The following VPS54 variants were observed in gnomAD, a reference collection of about 807,000 sequenced individuals.
VPS54 encodes vacuolar protein sorting-associated protein 54.
A neutral mutation model predicts 121.5 loss-of-function variants in VPS54; 45 were observed. The observed-to-expected ratio is 0.37, with a 90% CI of 0.29 to 0.47. The LOEUF is 0.47. Among genes scored for constraint, VPS54 ranks in the 20% least tolerant of loss-of-function variants. The probability of loss-of-function intolerance (pLI) is 0.99; values close to 1 mark genes in which losing one functional copy is unlikely to be tolerated. For synonymous variants in VPS54, 371 were observed against 385.8 expected, an observed-to-expected ratio of 0.96 and a Z score of 0.45; for missense variants, 1,090 against 1,131.4, an observed-to-expected ratio of 0.96 and a Z score of 0.52.
At chr2:63,915,540 C>A (rs1362765741) in intron 16 of VPS54, among the ~76,000 whole-genome samples, 1 of 152,090 alleles carries the variant, frequency 6.6e-6, no homozygotes, top group Non-Finnish European at 1.5e-5. Context: ...TCCCCTTTAG[C>A]CAGGGAATTT....
intron 11 of VPS54, among the ~76,000 whole-genome samples, chr2:63,940,978 C>T (rs1346356295): frequency 3.9e-5 from 6 of 152,102 alleles, no homozygotes; most frequent in Non-Finnish European, 8.8e-5. Context: ...CTTTTGTGAA[C>T]CTGATTGGAG....
chr2:63,914,923 C>T (rs529779935), intron 16 of VPS54, among the ~76,000 whole-genome samples: 3 of 151,910 alleles, frequency 2.0e-5, no homozygotes, highest in Admixed American at 6.6e-5. Context: ...CACTGGAGGT[C>T]GGGAGTTCGA....
chr2:64,006,907 C>T (rs1161522345), intron 1 of VPS54, among the ~76,000 whole-genome samples: 1 of 152,250 alleles, frequency 6.6e-6, no homozygotes, highest in African/African-American at 2.4e-5. Flanking sequence ...GCGTGAGCCA[C>T]CACGCCCGGC....
At chr2:63,926,645 G>C (rs188014306) in intron 12 of VPS54, among the ~76,000 whole-genome samples, 1 of 152,196 alleles carries the variant, frequency 6.6e-6, no homozygotes, top group Non-Finnish European at 1.5e-5. Context: ...TGGACAGTGG[G>C]TGCAGCCCAT....
intron 1 of VPS54, among the ~76,000 whole-genome samples, chr2:63,999,710 CA>C (rs1411470339): frequency 6.6e-6 from 1 of 152,194 alleles, no homozygotes; most frequent in African/African-American, 2.4e-5. Context: ...CTCCTCTTTA[CA>C]GACAATAACT....
chr2:63,920,678 T>C lies in VPS54; in HGVS notation c.1870-51A>G, dbSNP rs1673601422. 16 of 1,134,108 alleles carry C rather than the reference T, an allele frequency of 1.4e-5. No individual in the cohort carries two copies. The Admixed American group carries it at 5.3e-4, about 38-fold the overall frequency. 70.3% of individuals were successfully genotyped at this position (1,134,108 alleles called of 1,614,324 possible). A position where few individuals can be genotyped will look rare whatever the true frequency, so the allele number is the denominator to read the frequency against. On this transcript the variant is annotated intron_variant, in intron 13 of 22. Coordinates refer to ENST00000272322, the MANE Select transcript of VPS54 (RefSeq NM_016516.3). Reference sequence around the variant, plus strand: ...GAGTTAGTGTAACACCAAATTGAGTTATGAAACCAAGTTAGTTTAACGATT... The same window carrying C: ...GAGTTAGTGTAACACCAAATTGAGTCATGAAACCAAGTTAGTTTAACGATT...
chr2:63,989,887 C>A (rs1159634905), intron 1 of VPS54, among the ~76,000 whole-genome samples: 5 of 152,124 alleles, frequency 3.3e-5, no homozygotes, highest in Non-Finnish European at 7.4e-5. Context: ...AGGGAAGGGT[C>A]CGAGTAACCA....
At chr2:63,993,862 A>G (rs980277056) in intron 1 of VPS54, among the ~76,000 whole-genome samples, 10 of 152,248 alleles carry the variant, frequency 6.6e-5, no homozygotes, top group Admixed American at 2.6e-4. Context: ...TAGGTCCTAC[A>G]AACAAGCTTA....
At chr2:64,006,419 C>T (rs572921022) in intron 1 of VPS54, among the ~76,000 whole-genome samples, 6 of 152,340 alleles carry the variant, frequency 3.9e-5, no homozygotes, top group South Asian at 2.1e-4. Flanking sequence ...ATTGGCCATA[C>T]AATCAGTTAG....
intron 22 of VPS54, among the ~76,000 whole-genome samples, chr2:63,894,281 AG>A (rs1672347953): frequency 6.6e-6 from 1 of 152,238 alleles, no homozygotes; most frequent in African/African-American, 2.4e-5. Context: ...ATTCACTTAT[AG>A]GTATATGCCC....
intron 20 of VPS54, among the ~76,000 whole-genome samples, chr2:63,901,542 A>T (rs1429819334): frequency 6.6e-6 from 1 of 152,194 alleles, no homozygotes; most frequent in Non-Finnish European, 1.5e-5. Flanking sequence ...GATCATATAG[A>T]TCCACTCCCA....
chr2:63,915,446 A>T (rs1444183044), intron 16 of VPS54, among the ~76,000 whole-genome samples: 2 of 152,180 alleles, frequency 1.3e-5, no homozygotes, highest in African/African-American at 2.4e-5. Flanking sequence ...ACTGGTCTCT[A>T]TGCTTATTTC....
intron 7 of VPS54, among the ~76,000 whole-genome samples, chr2:63,954,480 G>C (rs1295454104): frequency 6.6e-6 from 1 of 152,064 alleles, no homozygotes; most frequent in Non-Finnish European, 1.5e-5. Flanking sequence ...GTCTAATCTT[G>C]TAAGAATTGT....
chr2:63,939,465 A>G (rs1397464181), intron 11 of VPS54, among the ~76,000 whole-genome samples: 1 of 152,220 alleles, frequency 6.6e-6, no homozygotes, highest in African/African-American at 2.4e-5. Context: ...ACAATGTAGG[A>G]GAGTAAATTA....
intron 13 of VPS54, among the ~76,000 whole-genome samples, chr2:63,920,871 T>A (rs1673610512): frequency 6.6e-6 from 1 of 152,056 alleles, no homozygotes; most frequent in South Asian, 2.1e-4. Context: ...AATGTTGGAG[T>A]TTTATTATAA....
chr2:63,985,867 G>C (rs1677028238), intron 1 of VPS54, among the ~76,000 whole-genome samples: 1 of 152,142 alleles, frequency 6.6e-6, no homozygotes, highest in Non-Finnish European at 1.5e-5. Flanking sequence ...TTAAGTGTAT[G>C]GTTGTTTCTG....
At chr2:63,901,371 A>G (rs1419066631) in intron 20 of VPS54, among the ~76,000 whole-genome samples, 1 of 152,242 alleles carries the variant, frequency 6.6e-6, no homozygotes, top group Non-Finnish European at 1.5e-5. Context: ...TAAGATGAAA[A>G]TAAGTAAAAT....
chr2:63,926,509 C>A (rs1410980765), intron 12 of VPS54, among the ~76,000 whole-genome samples: 1 of 152,116 alleles, frequency 6.6e-6, no homozygotes, highest in Admixed American at 6.5e-5. Flanking sequence ...ACTGAGCTGA[C>A]CGGTCGCTCC....
intron 7 of VPS54, among the ~76,000 whole-genome samples, chr2:63,956,815 G>C (rs750502713): frequency 1.3e-5 from 2 of 152,020 alleles, no homozygotes; most frequent in Non-Finnish European, 2.9e-5. Context: ...TAGTAATCAT[G>C]GTATGAAGTA....
Sources: allele counts gnomAD v4.1 joint callset (sites outside exome capture counted in the v4.1 genomes callset), GRCh38; gene constraint gnomAD v4.1.1; transcripts MANE v1.5; gene names NCBI Gene and HGNC (gene_info 2026-07-23, HGNC 2026-07-21).